The following TICRR variants were observed in gnomAD, a reference collection of about 807,000 sequenced individuals.
The protein encoded by TICRR is treslin.
TICRR carries 132 observed loss-of-function variants against 178.1 expected under a neutral mutation model. The ratio of observed to expected loss-of-function variants is 0.74; its 90% CI spans 0.64 to 0.86. The LOEUF (loss-of-function observed/expected upper bound fraction) is 0.86. Ranked by LOEUF, TICRR falls within the 40% of genes least tolerant of loss-of-function variation. The pLI, the probability that TICRR is intolerant of heterozygous loss-of-function variation, is 0.00. For synonymous variants in TICRR, 991 were observed against 900.7 expected (o/e 1.10, Z -1.79); for missense variants, 2,587 against 2,334.3 (o/e 1.11, Z -2.23).
chr15:89,605,441 T>C (rs992761642), intron 13 of TICRR, among the ~76,000 whole-genome samples: 10 of 152,218 alleles, frequency 6.6e-5, no homozygotes, highest in African/African-American at 2.4e-4. Context: ...CGATCTCGAC[T>C]CACTGCAAGC....
chr15:89,618,411 T>C (rs1186304932), intron 17 of TICRR, among the ~76,000 whole-genome samples: 1 of 152,228 alleles, frequency 6.6e-6, no homozygotes, highest in Non-Finnish European at 1.5e-5. Flanking sequence ...AAAAGAAATA[T>C]TTTTGCACAA....
Position 89,602,846 on chromosome 15 carries a change from T to A in TICRR, c.2618T>A (p.Leu873His). The A allele has an allele frequency of 6.5e-7, 1 of 1,529,448 alleles. No individual in the cohort carries two copies. 94.7% of individuals were successfully genotyped at this position (1,529,448 alleles called of 1,614,324 possible). A position where few individuals can be genotyped will look rare whatever the true frequency, so the allele number is the denominator to read the frequency against. The part of the protein sequence containing the change: ...HKSIAEVSQN[L>H]RQIEIPKVSK... ...AGCATTGCTGAGGTTTCACAGAATC[T>A]TCGACAAATTGAAATTCCTAAAGTG... is the stretch of plus-strand genomic sequence containing the variant. The change falls in exon 13 of 22, where the codon CTT becomes CAT. Residue 873 changes from leucine (L) to histidine (H), a missense_variant. Coordinates refer to ENST00000268138, the MANE Select transcript of TICRR (RefSeq NM_152259.4).
chr15:89,579,051 C>T (rs1011694864), intron 1 of TICRR, among the ~76,000 whole-genome samples: 1 of 152,008 alleles, frequency 6.6e-6, no homozygotes, highest in Admixed American at 6.6e-5. Flanking sequence ...GGGATCCAAG[C>T]GCATAAAACA....
intron 13 of TICRR, among the ~76,000 whole-genome samples, chr15:89,604,600 C>T (rs1028385866): frequency 6.6e-6 from 1 of 151,954 alleles, no homozygotes; most frequent in Non-Finnish European, 1.5e-5. Flanking sequence ...CATAGTGAGA[C>T]CTTGGCTCTA....
chr15:89,583,062 C>A, intron 2 of TICRR, 97 bp downstream of exon 2: 6 of 1,281,882 alleles, frequency 4.7e-6, no homozygotes, highest in Middle Eastern at 2.7e-4. Flanking sequence ...TTCTCACAGC[C>A]CAGGCACTCA....
Position 89,576,028 on chromosome 15 carries a change from G to T in TICRR, c.442G>T (p.Gly148Trp), listed in dbSNP as rs745337713. 1.9e-6 allele frequency: 3 copies of T among 1,609,488 alleles called. No homozygotes were observed. The highest frequency in any genetic ancestry group is 2.2e-5 in the East Asian group (1 of 44,774). ...SEAKEAEAAL[G>W]GLVNAVFLLA... ...GGCCAAGGAGGCCGAGGCCGCGCTCGGGGGCTTGGTGAACGCCGTCTTCCT... is the reference window on the plus strand; with the variant it reads ...GGCCAAGGAGGCCGAGGCCGCGCTCTGGGGCTTGGTGAACGCCGTCTTCCT... The change falls in exon 1 of 22, where the codon GGG (glycine) becomes TGG (tryptophan). Residue 148 changes from glycine (G) to tryptophan (W), a missense_variant. Transcript: ENST00000268138.
At chr15:89,586,558 T>A (rs1015510457) in intron 4 of TICRR, among the ~76,000 whole-genome samples, 1 of 152,080 alleles carries the variant, frequency 6.6e-6, no homozygotes, top group African/African-American at 2.4e-5. Context: ...TACGGTTTAG[T>A]CTAAAGAGAC....
intron 5 of TICRR, among the ~76,000 whole-genome samples, chr15:89,592,616 C>T (rs188314428): frequency 1.3e-5 from 2 of 152,122 alleles, no homozygotes; most frequent in East Asian, 3.9e-4. Flanking sequence ...AAAGTAACCT[C>T]CACCCTACAA....
At chr15:89,613,478 C>G (rs1433311690) in intron 15 of TICRR, among the ~76,000 whole-genome samples, 2 of 152,114 alleles carry the variant, frequency 1.3e-5, no homozygotes, top group African/African-American at 4.8e-5. Flanking sequence ...TCATTTTTAG[C>G]CAATATTTAT....
chr15:89,601,663 T>C (rs4932234), intron 11 of TICRR, 74 bp from the exon 12 acceptor site: 1,429,393 of 1,611,050 alleles, frequency 0.89, 638,367 homozygotes, highest in Non-Finnish European at 0.92. Flanking sequence ...AGGACTACTT[T>C]TTAGGCTGGG....
chr15:89,588,855 A>G (rs970947256), intron 4 of TICRR, among the ~76,000 whole-genome samples: 8 of 152,174 alleles, frequency 5.3e-5, no homozygotes, highest in Admixed American at 2.6e-4. Flanking sequence ...TTAGATGACT[A>G]TGAGCGTGTA....
In TICRR at chr15:89,584,402, C is replaced by A; in HGVS notation, c.1051C>A (p.Leu351Ile). 6.2e-7 allele frequency: 1 copy of A among 1,614,188 alleles called. No individual in the cohort carries two copies. The highest frequency in any genetic ancestry group is 8.5e-7 in the Non-Finnish European group (1 of 1,180,032). Residue 351 changes from leucine to isoleucine, a missense_variant, in exon 3 of 22, where the codon CTC becomes ATC. Leu to Ile is a conservative substitution (Grantham distance 5). Coordinates refer to ENST00000268138, the MANE Select transcript of TICRR (RefSeq NM_152259.4). ...FLKGSVAQWS[L>I]PTSSTLGTDS... ...AAAAGGCTCAGTGGCCCAGTGGTCT[C>A]TCCCAACGAGCAGCACTTTGGGCAC... is the stretch of plus-strand genomic sequence containing the variant.
chr15:89,624,175 A>C lies in TICRR; in HGVS notation c.3865A>C (p.Ile1289Leu). ...AGCCCAGAAACTAAAGGATAAAGCT[A>C]TCAAAACTCCAAAAAGACCAGGGAA... The part of the protein sequence containing the change: ...EPAQKLKDKA[I>L]KTPKRPGNST... Residue 1289 changes from isoleucine (I) to leucine (L), a missense_variant, in exon 20 of 22, where the codon ATC becomes CTC. Transcript: ENST00000268138. 6 of 1,614,106 alleles carry C rather than the reference A, an allele frequency of 3.7e-6. No individual in the cohort carries two copies. The highest frequency in any genetic ancestry group is 5.1e-6 in the Non-Finnish European group (6 of 1,180,034).
At position 89,623,888 on chromosome 15, in the gene TICRR, C is replaced by G. The variant is rs774766739; in HGVS notation, c.3578C>G (p.Pro1193Arg). 17 of 1,613,840 alleles carry G rather than the reference C, an allele frequency of 1.1e-5. No individual in the cohort carries two copies. Among genetic ancestry groups the G allele is most frequent in the Middle Eastern group, 1.6e-4 (1 of 6,084 alleles). The change falls in exon 20 of 22, where the codon CCA becomes CGA. Residue 1193 changes from proline (P) to arginine (R), a missense_variant. Coordinates refer to ENST00000268138, the MANE Select transcript of TICRR (RefSeq NM_152259.4). ...GGTACCTCTCTTGAAACGAAGACAC[C>G]AAGAACTCCTAAGAGGCAAGGTACT... ...GEGTSLETKT[P>R]RTPKRQGTQP...
In TICRR at chr15:89,624,115, C is replaced by T. The variant is rs762380053; in HGVS notation, c.3805C>T (p.Pro1269Ser). ...GCCTCAGAATCAAACACACCAACAGCCCCATGTCCTCAGAGCTGCTCGGGC... is the reference window on the plus strand; with the variant it reads ...GCCTCAGAATCAAACACACCAACAGTCCCATGTCCTCAGAGCTGCTCGGGC... ...GTPQNQTHQQ[P>S]HVLRAARAEE... The change falls in exon 20 of 22, where the codon CCC (proline) becomes TCC (serine). Residue 1269 changes from proline to serine, a missense_variant. By Grantham distance (74) the Pro-to-Ser change is moderately conservative. Coordinates refer to ENST00000268138, the MANE Select transcript of TICRR (RefSeq NM_152259.4). 1.5e-5 allele frequency: 24 copies of T among 1,613,804 alleles called. No homozygotes were observed. Among genetic ancestry groups the T allele is most frequent in the Non-Finnish European group, 1.9e-5 (22 of 1,180,014 alleles).
intron 1 of TICRR, among the ~76,000 whole-genome samples, chr15:89,577,817 C>T (rs920338065): frequency 6.6e-6 from 1 of 151,442 alleles, no homozygotes; most frequent in African/African-American, 2.4e-5. Context: ...CACCATGCTA[C>T]CCACCCTGGT....
chr15:89,593,994 A>G (rs1442066466), intron 5 of TICRR, among the ~76,000 whole-genome samples: 1 of 152,230 alleles, frequency 6.6e-6, no homozygotes, highest in Non-Finnish European at 1.5e-5. Context: ...ATCCCAAATT[A>G]GTTTATTACA....
chr15:89,616,345 A>C (rs1567049896), intron 15 of TICRR, 60 bp from the exon 16 acceptor site: 1 of 1,467,916 alleles, frequency 6.8e-7, no homozygotes, highest in Non-Finnish European at 9.5e-7. Flanking sequence ...CCTTGGCCTT[A>C]CTGCTGCTTC....
intron 15 of TICRR, among the ~76,000 whole-genome samples, chr15:89,613,937 G>A (rs1317604088): frequency 1.3e-5 from 2 of 151,910 alleles, no homozygotes; most frequent in Non-Finnish European, 2.9e-5. Flanking sequence ...GGTGGATCAC[G>A]AGGTCAGGAG....
Sources: gnomAD v4.1 joint callset for allele counts (sites outside exome capture counted in the v4.1 genomes callset) on GRCh38, gnomAD v4.1.1 for gene constraint, MANE v1.5 for transcripts, NCBI Gene and HGNC (gene_info 2026-07-23, HGNC 2026-07-21) for gene names.